DUOX2: variants seen among roughly 807,000 people sequenced by gnomAD.
DUOX2 encodes the protein NADH/NADPH thyroid oxidase p138-tox.
A neutral mutation model predicts 183.3 loss-of-function variants in DUOX2; 185 were observed. The ratio of observed to expected loss-of-function variants is 1.01; its 90% confidence interval spans 0.90 to 1.14. The LOEUF is 1.14. Ranked by LOEUF, DUOX2 falls within the 50% of genes most tolerant of loss-of-function variation. The probability of loss-of-function intolerance (pLI) is 0.00; values close to 1 mark genes in which losing one functional copy is unlikely to be tolerated. For synonymous variants in DUOX2, 788 were observed against 812.4 expected (o/e 0.97, Z 0.51); for missense variants, 1,999 against 2,022.9 (o/e 0.99, Z 0.23).
At chr15:45,102,948 C>T (rs1894119722) in intron 20 of DUOX2, among the ~76,000 whole-genome samples, 1 of 152,218 alleles carries the variant, frequency 6.6e-6, no homozygotes, top group African/African-American at 2.4e-5. Flanking sequence ...TGGCACTGCA[C>T]TCCAGCCTGG....
At chr15:45,102,269 G>GT (rs1894103720) in intron 20 of DUOX2, among the ~76,000 whole-genome samples, 1 of 152,034 alleles carries the variant, frequency 6.6e-6, no homozygotes, top group African/African-American at 2.4e-5. Flanking sequence ...TGAGTGCAGG[G>GT]GTGTCCAGGG....
chr15:45,112,638 G>C lies in DUOX2; in HGVS notation c.241C>G (p.Pro81Ala), dbSNP rs200595348. The change falls in exon 4 of 34, where the codon CCG (proline) becomes GCG (alanine). Residue 81 changes from proline (P) to alanine (A), a missense_variant. Physicochemically the swap from Pro to Ala is conservative, Grantham distance 27. This residue lies in a region of DUOX2 where 356 missense variants were observed against 356.4 expected (regional missense o/e 1.00). Transcript: ENST00000389039. The part of the protein sequence containing the change: ...QALEEPQLPN[P>A]RRLSNAATRG... ...GTGGCTGCGTTGCTGAGCCGGCGCG[G>C]GTTGGGCAGCTGCGGCTCCTCCAGA... The C allele has an allele frequency of 1.2e-6, 2 of 1,612,822 alleles. No homozygotes were observed. Among genetic ancestry groups the C allele is most frequent in the African/African-American group, 2.7e-5 (2 of 74,922 alleles).
Position 45,099,385 on chromosome 15 carries a change from A to G in DUOX2, c.3513T>C (p.Asp1171=), listed in dbSNP as rs1894000463. 6.2e-7 allele frequency: 1 copy of G among 1,613,652 alleles called. No individual in the cohort carries two copies. Among genetic ancestry groups the G allele is most frequent in the Non-Finnish European group, 8.5e-7 (1 of 1,179,632 alleles). The change falls in exon 26 of 34, where the codon GAT becomes GAC. Residue 1171 remains aspartate (D), a splice_region_variant and synonymous_variant. Coordinates refer to ENST00000389039, the MANE Select transcript of DUOX2 (RefSeq NM_001363711.2). ...ACIFPNVFVN[D]GSKLPQKFYW... The stretch of plus-strand genomic sequence containing the variant: ...GAGAAACCATCCCCAGAACTGACCC[A>G]TCATTCACAAAGACGTTGGGGAATA...
intron 21 of DUOX2, 33 bp downstream of exon 21, chr15:45,101,760 C>G: frequency 6.2e-7 from 1 of 1,614,146 alleles, no homozygotes; most frequent in Non-Finnish European, 8.5e-7. Flanking sequence ...CACGCCCCCC[C>G]TCCCTGACGC....
rs750802774 is a variant in DUOX2 at position 45,094,178 on chromosome 15, T to G, written c.4619A>C (p.His1540Pro). 54 of 1,613,976 alleles carry G rather than the reference T, an allele frequency of 3.3e-5. No homozygotes were observed. The highest frequency in any genetic ancestry group is 1.6e-4 in the Middle Eastern group (1 of 6,084). ...CQLVNRQDRA[H>P]FMHHYENF ...GAAGTTCTCATAGTGGTGCATGAAG[T>G]GGGCTCGGTCCTGCCTGTTGACGAG... The change falls in exon 34 of 34, where the codon CAC becomes CCC. Residue 1540 changes from histidine to proline, a missense_variant. Physicochemically the swap from His to Pro is moderately conservative, Grantham distance 77. This residue lies in a region of DUOX2 where 1,628 missense variants were observed against 1,608.6 expected (regional missense o/e 1.01). Coordinates refer to ENST00000389039, the MANE Select transcript of DUOX2 (RefSeq NM_001363711.2).
intron 3 of DUOX2, 106 bp from the exon 4 acceptor site, chr15:45,112,824 C>A (rs1280288490): frequency 1.3e-6 from 2 of 1,577,428 alleles, no homozygotes; most frequent in East Asian, 4.5e-5. Context: ...ACTGACAGAA[C>A]CTTCCCTCAA....
At position 45,094,472 on chromosome 15, in the gene DUOX2, C is replaced by G. The variant is rs191703167; in HGVS notation, c.4524+91G>C. On this transcript the variant is annotated intron_variant, in intron 33 of 33. Coordinates refer to ENST00000389039, the MANE Select transcript of DUOX2 (RefSeq NM_001363711.2). ...GGGCCAGGCAATCGGGTGGAGTTCTCTGCTCAGAACAGAGTGGCAGGGTGC... is the reference window on the plus strand; with the variant it reads ...GGGCCAGGCAATCGGGTGGAGTTCTGTGCTCAGAACAGAGTGGCAGGGTGC... 5.3e-4 allele frequency: 820 copies of G among 1,550,192 alleles called. 8 individuals carry two copies. The African/African-American group carries it at 0.01, about 20-fold the overall frequency.
intron 22 of DUOX2, 74 bp from the exon 23 acceptor site, chr15:45,100,912 G>T: frequency 1.9e-6 from 2 of 1,068,198 alleles, no homozygotes; most frequent in South Asian, 1.3e-5. Flanking sequence ...CAGAGCATGG[G>T]GTAGAGGTAG....
intron 20 of DUOX2, among the ~76,000 whole-genome samples, chr15:45,102,946 C>G (rs1894119652): frequency 6.6e-6 from 1 of 152,214 alleles, no homozygotes; most frequent in Admixed American, 6.5e-5. Context: ...CGTGGCACTG[C>G]ACTCCAGCCT....
At chr15:45,103,855 C>T (rs974453245) in intron 20 of DUOX2, 105 bp downstream of exon 20, 107 of 1,205,194 alleles carry the variant, frequency 8.9e-5, no homozygotes, top group Non-Finnish European at 1.2e-4. Flanking sequence ...CACCTCTCAG[C>T]ACAGATGACC....
intron 20 of DUOX2, among the ~76,000 whole-genome samples, chr15:45,102,848 G>A (rs1894117189): frequency 6.6e-6 from 1 of 152,192 alleles, no homozygotes; most frequent in Non-Finnish European, 1.5e-5. Flanking sequence ...TGGACGTGGT[G>A]GCACATGCCT....
At chr15:45,110,161 G>T (rs899948386) in intron 9 of DUOX2, among the ~76,000 whole-genome samples, 181 bp from the exon 10 acceptor site, 1 of 152,136 alleles carries the variant, frequency 6.6e-6, no homozygotes, top group African/African-American at 2.4e-5. Context: ...TCCTAGTCCA[G>T]GTAGGGTGGG....
intron 26 of DUOX2, among the ~76,000 whole-genome samples, chr15:45,098,696 T>A (rs1346882223): frequency 6.6e-6 from 1 of 150,726 alleles, no homozygotes; most frequent in Non-Finnish European, 1.5e-5. Flanking sequence ...TGGGACTGTC[T>A]ATTTCTTTCC....
At chr15:45,106,765 C>A in intron 15 of DUOX2, 67 bp downstream of exon 15, 2 of 1,601,240 alleles carry the variant, frequency 1.2e-6, no homozygotes, top group Non-Finnish European at 1.7e-6. Flanking sequence ...ACCAAATAGC[C>A]AGCCCCTCAG....
Position 45,104,058 on chromosome 15 carries a change from G to A in DUOX2, c.2561-5C>T. ...GGGACTTATCCTCTGGGGAGCCTGG[G>A]AAGAAAAAAGGGAATGCAGGTCATC... On this transcript the variant is annotated splice_polypyrimidine_tract_variant and splice_region_variant and intron_variant, in intron 19 of 33. Coordinates refer to ENST00000389039, the MANE Select transcript of DUOX2 (RefSeq NM_001363711.2). 6.2e-7 allele frequency: 1 copy of A among 1,613,982 alleles called. No homozygotes were observed. Among genetic ancestry groups the A allele is most frequent in the African/African-American group, 1.3e-5 (1 of 74,974 alleles).
chr15:45,111,656 G>T (rs1165881603), intron 5 of DUOX2, 71 bp from the exon 6 acceptor site: 1 of 1,447,138 alleles, frequency 6.9e-7, no homozygotes, highest in East Asian at 2.7e-5. Flanking sequence ...GGGCCCGGCG[G>T]GTGTCCGCGG....
chr15:45,096,990 C>T (rs534678479), intron 29 of DUOX2, among the ~76,000 whole-genome samples: 3 of 152,304 alleles, frequency 2.0e-5, no homozygotes, highest in East Asian at 1.9e-4. Context: ...TCTGTATGCA[C>T]GTTCAGCCAC....
At chr15:45,096,365 C>G (rs1893902146) in intron 29 of DUOX2, among the ~76,000 whole-genome samples, 2 of 152,222 alleles carry the variant, frequency 1.3e-5, no homozygotes, top group Admixed American at 1.3e-4. Context: ...GGGACTCAGG[C>G]TCACCAGGGA....
intron 26 of DUOX2, 78 bp downstream of exon 26, chr15:45,099,305 C>T (rs1317160509): frequency 9.5e-6 from 13 of 1,373,168 alleles, no homozygotes; most frequent in Middle Eastern, 2.1e-4. Flanking sequence ...CCACCGCGCC[C>T]GGCCTGCCTA....
Sources: allele counts gnomAD v4.1 joint callset (sites outside exome capture counted in the v4.1 genomes callset), GRCh38; gene constraint gnomAD v4.1.1; regional missense constraint gnomAD v4.1.1; transcripts MANE v1.5; gene names NCBI Gene and HGNC (gene_info 2026-07-23, HGNC 2026-07-21).